Variants in PHF14 observed in about 807,000 individuals in gnomAD.
PHF14 encodes PHD finger protein 14.
In PHF14, 55 loss-of-function variants were observed where a neutral mutation model predicts 117.9. The ratio of observed to expected loss-of-function variants is 0.47; its 90% confidence interval spans 0.38 to 0.58. The LOEUF is 0.58. Ranked by LOEUF, PHF14 falls within the 20% of genes least tolerant of loss-of-function variation. The probability of loss-of-function intolerance (pLI) is 0.00; values close to 1 mark genes in which losing one functional copy is unlikely to be tolerated. For synonymous variants in PHF14, 409 were observed against 368.6 expected (o/e 1.11, Z -1.26); for missense variants, 978 against 1,122.2 (o/e 0.87, Z 1.84).
At chr7:11,012,942 G>C (rs1783403093) in intron 4 of PHF14, among the ~76,000 whole-genome samples, 1 of 151,876 alleles carries the variant, frequency 6.6e-6, no homozygotes. Context: ...ATAGCTTTAG[G>C]TGCATAACTT....
rs186261011 is a variant in PHF14 at position 11,069,328 on chromosome 7, A to G, written c.2654+7243A>G. On this transcript the variant is annotated intron_variant, in intron 16 of 17. Transcript: ENST00000634607. ...TTTTATGGACCCAGGGGCTTCTGGA[A>G]GGGAGATGGGGAAGGGGTAGGAGGT... 1.0e-3 allele frequency among the ~76,000 whole-genome samples: 153 copies of G among 152,238 alleles called. No homozygotes were observed. The Middle Eastern group carries it at 0.01, about 10-fold the overall frequency.
At chr7:11,018,683 C>G (rs977723750) in intron 5 of PHF14, among the ~76,000 whole-genome samples, 1 of 152,140 alleles carries the variant, frequency 6.6e-6, no homozygotes, top group East Asian at 1.9e-4. Context: ...ATATTACCTG[C>G]TAACAAGAAT....
At chr7:11,044,039 A>G (rs1784583847) in intron 13 of PHF14, among the ~76,000 whole-genome samples, 1 of 152,166 alleles carries the variant, frequency 6.6e-6, no homozygotes, top group African/African-American at 2.4e-5. Context: ...TGTAGCAACA[A>G]GGAGGCAGCT....
chr7:11,073,026 G>C (rs1378692567), intron 16 of PHF14, among the ~76,000 whole-genome samples: 1 of 152,136 alleles, frequency 6.6e-6, no homozygotes, highest in African/African-American at 2.4e-5. Context: ...TCCAATATTG[G>C]AGATCACATT....
intron 16 of PHF14, among the ~76,000 whole-genome samples, chr7:11,069,206 C>G (rs952932743): frequency 6.6e-6 from 1 of 152,078 alleles, no homozygotes; most frequent in Admixed American, 6.5e-5. Context: ...AGATACACCC[C>G]CAACCCCAAC....
chr7:11,152,204 A>T (rs187636040), intron 17 of PHF14, among the ~76,000 whole-genome samples: 4 of 152,174 alleles, frequency 2.6e-5, no homozygotes, highest in African/African-American at 9.6e-5. Flanking sequence ...TTGGAAAAGT[A>T]TGTGAAGCTT....
intron 17 of PHF14, among the ~76,000 whole-genome samples, chr7:11,124,359 T>C (rs111698959): frequency 0.086 from 12,998 of 152,012 alleles, 603 homozygotes; most frequent in African/African-American, 0.11. Context: ...TACCATGTTG[T>C]TAAATACTCT....
chr7:10,992,078 CAG>C (rs1259373622), intron 4 of PHF14, among the ~76,000 whole-genome samples: 1 of 151,646 alleles, frequency 6.6e-6, no homozygotes, highest in African/African-American at 2.4e-5. Context: ...ATTTTTGAGA[CAG>C]AGTCTTGCTC....
At chr7:11,074,360 G>A (rs373873886) in intron 16 of PHF14, among the ~76,000 whole-genome samples, 1 of 151,784 alleles carries the variant, frequency 6.6e-6, no homozygotes, top group African/African-American at 2.4e-5. Context: ...ACAGGCGCCT[G>A]CCACCACGCC....
chr7:10,974,436 T>TG, intron 1 of PHF14, 112 bp downstream of exon 1: 1 of 914,248 alleles, frequency 1.1e-6, no homozygotes, highest in South Asian at 1.4e-5. Flanking sequence ...GCAGGATTGG[T>TG]GGACCCTCGC....
At chr7:11,004,122 C>T (rs1189633565) in intron 4 of PHF14, among the ~76,000 whole-genome samples, 1 of 151,734 alleles carries the variant, frequency 6.6e-6, no homozygotes, top group Non-Finnish European at 1.5e-5. Context: ...GTGGCTTGCG[C>T]CTGTAGTCCC....
intron 4 of PHF14, among the ~76,000 whole-genome samples, chr7:10,992,520 G>A (rs1583338441): frequency 6.6e-6 from 1 of 151,842 alleles, no homozygotes; most frequent in East Asian, 2.0e-4. Flanking sequence ...AAAATTAGCC[G>A]GGCGTGGTGG....
chr7:11,002,339 A>AG (rs1042150072), intron 4 of PHF14, among the ~76,000 whole-genome samples: 11 of 126,992 alleles, frequency 8.7e-5, no homozygotes, highest in African/African-American at 2.9e-4. Flanking sequence ...GTGTAGGTCA[A>AG]GGGGGGAGCC....
At chr7:11,041,681 C>T (rs1413623415) in intron 12 of PHF14, among the ~76,000 whole-genome samples, 1 of 151,776 alleles carries the variant, frequency 6.6e-6, no homozygotes, top group East Asian at 1.9e-4. Context: ...TGAACATTAG[C>T]ACATTCTCAG....
chr7:11,158,553 T>C (rs543577043), intron 17 of PHF14, among the ~76,000 whole-genome samples: 64 of 152,138 alleles, frequency 4.2e-4, no homozygotes, highest in Non-Finnish European at 7.2e-4. Context: ...CAAAGTAGTT[T>C]TAAATCATTT....
At chr7:11,163,063 A>G (rs1789096407) in intron 17 of PHF14, among the ~76,000 whole-genome samples, 1 of 152,106 alleles carries the variant, frequency 6.6e-6, no homozygotes, top group African/African-American at 2.4e-5. Context: ...ACTATTAATA[A>G]ATAATGAATG....
chr7:10,995,859 G>T (rs1157378483), intron 4 of PHF14, among the ~76,000 whole-genome samples: 1 of 152,186 alleles, frequency 6.6e-6, no homozygotes. Flanking sequence ...CGGAACTCGC[G>T]CTGGCCCGCA....
At chr7:11,116,902 T>C (rs953560824) in intron 17 of PHF14, among the ~76,000 whole-genome samples, 1 of 151,964 alleles carries the variant, frequency 6.6e-6, no homozygotes, top group African/African-American at 2.4e-5. Flanking sequence ...ATTGACATTT[T>C]AATATTATAT....
intron 17 of PHF14, among the ~76,000 whole-genome samples, chr7:11,154,393 A>G (rs1351041195): frequency 1.3e-5 from 2 of 152,214 alleles, no homozygotes; most frequent in African/African-American, 4.8e-5. Context: ...ATTTCTAAAA[A>G]TCAAAGATAC....
Sources: gnomAD v4.1 joint callset for allele counts (sites outside exome capture counted in the v4.1 genomes callset) on GRCh38, gnomAD v4.1.1 for gene constraint, MANE v1.5 for transcripts, NCBI Gene and HGNC (gene_info 2026-07-23, HGNC 2026-07-21) for gene names.